Variants in NTRK3 observed in about 807,000 individuals in gnomAD.
NTRK3 encodes neurotrophic receptor tyrosine kinase 3.
Under a neutral mutation model 91.7 loss-of-function variants are expected in NTRK3, and 24 were observed. That is an observed-to-expected ratio of 0.26 (90% CI 0.19 to 0.37). The LOEUF (loss-of-function observed/expected upper bound fraction) is 0.37. NTRK3 is among the 10% of genes least tolerant of loss of function. The pLI, the probability that NTRK3 is intolerant of heterozygous loss-of-function variation, is 1.00. For synonymous variants in NTRK3, 483 were observed against 404.0 expected (o/e 1.20, Z -2.34); for missense variants, 880 against 1,068.9 (o/e 0.82, Z 2.46).
At chr15:88,031,403 T>C (rs1394662109) in intron 14 of NTRK3, among the ~76,000 whole-genome samples, 1 of 152,192 alleles carries the variant, frequency 6.6e-6, no homozygotes, top group Non-Finnish European at 1.5e-5. Flanking sequence ...GCTATCACCA[T>C]AGAAGGTCCT....
intron 5 of NTRK3, among the ~76,000 whole-genome samples, chr15:88,151,919 A>G (rs374206462): frequency 8.5e-4 from 129 of 151,700 alleles, no homozygotes; most frequent in African/African-American, 3.0e-3. Flanking sequence ...CTGGATGCTC[A>G]CTCCACCTCC....
chr15:88,136,148 C>T (rs1416967046), intron 8 of NTRK3, 108 bp from the exon 9 acceptor site: 18 of 1,397,020 alleles, frequency 1.3e-5, no homozygotes, highest in Non-Finnish European at 1.6e-5. Flanking sequence ...GAGCGGAAGG[C>T]GAAGGAGATC....
intron 13 of NTRK3, among the ~76,000 whole-genome samples, chr15:88,086,316 G>C (rs1387031991): frequency 6.6e-6 from 1 of 152,140 alleles, no homozygotes; most frequent in Non-Finnish European, 1.5e-5. Flanking sequence ...TGCAATTACT[G>C]TGTATTTGAA....
chr15:87,938,698 C>A (rs930299435), intron 15 of NTRK3, among the ~76,000 whole-genome samples: 2 of 152,184 alleles, frequency 1.3e-5, no homozygotes, highest in African/African-American at 4.8e-5. Context: ...ATGTTCAGTT[C>A]ATTCTCCAGT....
intron 5 of NTRK3, among the ~76,000 whole-genome samples, chr15:88,173,944 T>C (rs991268897): frequency 2.0e-5 from 3 of 152,226 alleles, no homozygotes; most frequent in African/African-American, 7.2e-5. Flanking sequence ...ACAACAATGA[T>C]GTCCACTTGC....
chr15:87,968,100 G>A (rs764207344), intron 14 of NTRK3, among the ~76,000 whole-genome samples: 11 of 152,118 alleles, frequency 7.2e-5, no homozygotes, highest in African/African-American at 7.2e-5. Context: ...TTTTACTCTC[G>A]TGTCTCGCAG....
intron 17 of NTRK3, among the ~76,000 whole-genome samples, chr15:87,896,739 G>A (rs1219096786): frequency 2.0e-5 from 3 of 151,986 alleles, no homozygotes; most frequent in South Asian, 2.1e-4. Flanking sequence ...CTGTGGCCTC[G>A]CCCCAGTTAT....
chr15:87,977,819 C>G (rs2073859552), intron 14 of NTRK3: 1 of 232,460 alleles, frequency 4.3e-6, no homozygotes, highest in Non-Finnish European at 8.5e-6. Flanking sequence ...GGGCTGGGAT[C>G]CTGACACGAA....
At chr15:88,012,422 A>G (rs899430365) in intron 14 of NTRK3, among the ~76,000 whole-genome samples, 3 of 152,176 alleles carry the variant, frequency 2.0e-5, no homozygotes, top group African/African-American at 7.2e-5. Context: ...CTTCTCACTC[A>G]GGACACTCTG....
intron 5 of NTRK3, among the ~76,000 whole-genome samples, chr15:88,179,083 G>A (rs1350227837): frequency 6.6e-6 from 1 of 152,206 alleles, no homozygotes. Flanking sequence ...TATGAAATGG[G>A]AAGAGAGGAC....
intron 13 of NTRK3, among the ~76,000 whole-genome samples, chr15:88,115,114 G>T (rs1459588776): frequency 3.3e-5 from 5 of 152,138 alleles, no homozygotes; most frequent in Non-Finnish European, 7.3e-5. Flanking sequence ...AATAAATATT[G>T]TCAAGCCACT....
chr15:88,109,227 C>T (rs897593165), intron 13 of NTRK3, among the ~76,000 whole-genome samples: 1 of 152,304 alleles, frequency 6.6e-6, no homozygotes, highest in Admixed American at 6.5e-5. Flanking sequence ...TTAAATACTG[C>T]AGTGGACAGG....
At chr15:88,119,368 A>G (rs927292135) in intron 13 of NTRK3, among the ~76,000 whole-genome samples, 2 of 152,198 alleles carry the variant, frequency 1.3e-5, no homozygotes, top group African/African-American at 4.8e-5. Flanking sequence ...GGCTTCTATA[A>G]ATTTATGTCC....
chr15:88,078,269 C>T (rs2047732544), intron 13 of NTRK3, among the ~76,000 whole-genome samples: 1 of 152,182 alleles, frequency 6.6e-6, no homozygotes, highest in South Asian at 2.1e-4. Flanking sequence ...AGTCCCTGCT[C>T]TCAGGGAGCT....
chr15:87,959,025 CCCAATGCCCTT>C (rs1361501354), intron 14 of NTRK3, among the ~76,000 whole-genome samples: 29 of 140,370 alleles, frequency 2.1e-4, no homozygotes, highest in Non-Finnish European at 3.4e-4. Flanking sequence ...CTCCACTCTA[CCCAATGCCCTT>C]CCTTCTCTTC....
intron 14 of NTRK3, among the ~76,000 whole-genome samples, chr15:87,988,966 G>T (rs1206666882): frequency 6.6e-6 from 1 of 151,788 alleles, no homozygotes; most frequent in Non-Finnish European, 1.5e-5. Flanking sequence ...CACCCAGGCT[G>T]GGGTGCAGTG....
At chr15:87,879,632 C>A (rs2065135137) in intron 18 of NTRK3, among the ~76,000 whole-genome samples, 1 of 152,126 alleles carries the variant, frequency 6.6e-6, no homozygotes, top group Non-Finnish European at 1.5e-5. Context: ...AAAGTGCCTA[C>A]CACTAAATGT....
intron 13 of NTRK3, among the ~76,000 whole-genome samples, chr15:88,116,044 G>A (rs1268414477): frequency 6.6e-6 from 1 of 152,182 alleles, no homozygotes; most frequent in East Asian, 1.9e-4. Context: ...TCTGAGCTGG[G>A]AATGCTGGCT....
chr15:88,123,812 A>G (rs933532471), intron 13 of NTRK3, among the ~76,000 whole-genome samples: 6 of 152,226 alleles, frequency 3.9e-5, no homozygotes, highest in Non-Finnish European at 7.3e-5. Context: ...GTTCAATAAG[A>G]GGTTATGGAG....
Sources: allele counts gnomAD v4.1 joint callset (sites outside exome capture counted in the v4.1 genomes callset), GRCh38; gene constraint gnomAD v4.1.1; transcripts MANE v1.5; gene names NCBI Gene and HGNC (gene_info 2026-07-23, HGNC 2026-07-21).